CNTNAP2: variants seen among roughly 807,000 people sequenced by gnomAD.
The protein encoded by CNTNAP2 is contactin-associated protein-like 2.
A neutral mutation model predicts 155.2 loss-of-function variants in CNTNAP2; 98 were observed. The ratio of observed to expected loss-of-function variants is 0.63; its 90% CI spans 0.54 to 0.75. The LOEUF (loss-of-function observed/expected upper bound fraction) is 0.75, where lower values mean the gene tolerates loss of function less well. Ranked by LOEUF, CNTNAP2 falls within the 30% of genes least tolerant of loss-of-function variation. CNTNAP2 has a pLI of 0.00. For synonymous variants in CNTNAP2, 651 were observed against 631.2 expected (o/e 1.03, Z -0.47); for missense variants, 1,727 against 1,688.1 (o/e 1.02, Z -0.40).
chr7:147,467,485 G>C (rs138096168), intron 10 of CNTNAP2, among the ~76,000 whole-genome samples: 1 of 152,036 alleles, frequency 6.6e-6, no homozygotes, highest in African/African-American at 2.4e-5. Context: ...GCTAAATGAC[G>C]GGTACACATG....
At chr7:146,783,935 G>A (rs974251001) in intron 2 of CNTNAP2, among the ~76,000 whole-genome samples, 8 of 152,080 alleles carry the variant, frequency 5.3e-5, no homozygotes, top group East Asian at 3.9e-4. Context: ...AACATTGTGC[G>A]GATCACGGGC....
chr7:147,760,945 T>C (rs569864097), intron 13 of CNTNAP2, among the ~76,000 whole-genome samples: 16 of 152,340 alleles, frequency 1.1e-4, no homozygotes, highest in Non-Finnish European at 1.9e-4. Context: ...CTGGGCTTTT[T>C]ATAGCAGTTA....
chr7:146,123,931 G>A (rs567312355), intron 1 of CNTNAP2, among the ~76,000 whole-genome samples: 18 of 152,268 alleles, frequency 1.2e-4, no homozygotes, highest in Middle Eastern at 3.4e-3. Flanking sequence ...AAAAAAGGAC[G>A]AGTTCATTTC....
At chr7:147,981,970 G>A (rs533896383) in intron 15 of CNTNAP2, among the ~76,000 whole-genome samples, 5 of 152,088 alleles carry the variant, frequency 3.3e-5, no homozygotes, top group Admixed American at 1.3e-4. Context: ...CTACACGTAC[G>A]CACCTAGAAA....
chr7:147,931,713 T>C (rs1800507468), intron 14 of CNTNAP2, among the ~76,000 whole-genome samples: 1 of 151,942 alleles, frequency 6.6e-6, no homozygotes, highest in Admixed American at 6.6e-5. Context: ...CTGAAAACTA[T>C]GAAACATTGA....
intron 13 of CNTNAP2, among the ~76,000 whole-genome samples, chr7:147,787,776 A>G (rs771240583): frequency 6.6e-6 from 1 of 152,200 alleles, no homozygotes; most frequent in Non-Finnish European, 1.5e-5. Context: ...ATTAGGCAAT[A>G]ATGAGAGCTA....
intron 1 of CNTNAP2, among the ~76,000 whole-genome samples, chr7:146,264,470 A>G (rs1799964388): frequency 6.6e-6 from 1 of 152,078 alleles, no homozygotes; most frequent in South Asian, 2.1e-4. Context: ...AAAAAAAGAA[A>G]GAAAGAAAGA....
intron 1 of CNTNAP2, among the ~76,000 whole-genome samples, chr7:146,177,456 A>G (rs758703600): frequency 6.6e-6 from 1 of 152,168 alleles, no homozygotes; most frequent in Non-Finnish European, 1.5e-5. Flanking sequence ...TGGTTCCCAG[A>G]ATGTGATGTA....
intron 2 of CNTNAP2, among the ~76,000 whole-genome samples, chr7:146,826,469 C>T (rs1460759298): frequency 6.6e-6 from 1 of 152,064 alleles, no homozygotes; most frequent in Non-Finnish European, 1.5e-5. Flanking sequence ...AGGCCTGTGC[C>T]AAGATTCCCC....
chr7:148,383,937 C>T (rs756640375), intron 22 of CNTNAP2, 49 bp downstream of exon 22: 1 of 1,581,000 alleles, frequency 6.3e-7, no homozygotes, highest in African/African-American at 1.3e-5. Flanking sequence ...CTTTAAACCT[C>T]AGTCTCTTGG....
intron 1 of CNTNAP2, among the ~76,000 whole-genome samples, chr7:146,543,130 C>T (rs1384371646): frequency 6.6e-6 from 1 of 151,768 alleles, no homozygotes; most frequent in Non-Finnish European, 1.5e-5. Context: ...GCAACCATTG[C>T]ACTATACATA....
At chr7:146,584,108 A>G (rs1484903510) in intron 1 of CNTNAP2, among the ~76,000 whole-genome samples, 4 of 152,336 alleles carry the variant, frequency 2.6e-5, no homozygotes, top group Admixed American at 2.6e-4. Context: ...AATCATGAAA[A>G]GTACTAACAT....
intron 13 of CNTNAP2, among the ~76,000 whole-genome samples, chr7:147,864,520 G>T (rs75411189): frequency 0.59 from 88,468 of 149,762 alleles, 26,388 homozygotes; most frequent in Middle Eastern, 0.7. Flanking sequence ...ACCTTGGGCA[G>T]TATGGCCATT....
intron 21 of CNTNAP2, among the ~76,000 whole-genome samples, chr7:148,358,473 G>C (rs1036276543): frequency 2.6e-5 from 4 of 152,164 alleles, no homozygotes; most frequent in African/African-American, 4.8e-5. Flanking sequence ...GATGGCTTTT[G>C]GGTGAGTGAG....
intron 3 of CNTNAP2, among the ~76,000 whole-genome samples, chr7:146,931,029 A>T (rs1254051477): frequency 2.6e-5 from 4 of 152,050 alleles, no homozygotes; most frequent in African/African-American, 7.3e-5. Context: ...CAGATCAACG[A>T]GACAGAAAGT....
intron 1 of CNTNAP2, among the ~76,000 whole-genome samples, chr7:146,257,830 T>G (rs2129080961): frequency 6.6e-6 from 1 of 152,234 alleles, no homozygotes; most frequent in Non-Finnish European, 1.5e-5. Flanking sequence ...GGACAAATAT[T>G]CCAACGATGT....
chr7:147,735,162 G>A (rs1452079878), intron 13 of CNTNAP2, among the ~76,000 whole-genome samples: 1 of 152,030 alleles, frequency 6.6e-6, no homozygotes, highest in Non-Finnish European at 1.5e-5. Flanking sequence ...GGCATTTAGT[G>A]CTATAAATTT....
chr7:148,252,951 C>G (rs1039491998), intron 20 of CNTNAP2, among the ~76,000 whole-genome samples: 1 of 151,384 alleles, frequency 6.6e-6, no homozygotes, highest in African/African-American at 2.4e-5. Context: ...TTACAAATAA[C>G]AACAACAATG....
At chr7:147,606,322 C>G (rs1801062745) in intron 12 of CNTNAP2, among the ~76,000 whole-genome samples, 1 of 152,168 alleles carries the variant, frequency 6.6e-6, no homozygotes, top group South Asian at 2.1e-4. Context: ...TTGATAGTCA[C>G]TTTATTGCCT....
Sources: gnomAD v4.1 joint callset for allele counts (sites outside exome capture counted in the v4.1 genomes callset) on GRCh38, gnomAD v4.1.1 for gene constraint, MANE v1.5 for transcripts, NCBI Gene and HGNC (gene_info 2026-07-23, HGNC 2026-07-21) for gene names.